MEIS3: variants seen among roughly 807,000 people sequenced by gnomAD.
MEIS3 encodes the protein Meis homeobox 3.
Under a neutral mutation model 51.4 loss-of-function variants are expected in MEIS3, and 38 were observed. That is an observed-to-expected ratio of 0.74 (90% CI 0.57 to 0.97). MEIS3 has a LOEUF of 0.97. Ranked by LOEUF, MEIS3 falls within the 50% of genes least tolerant of loss-of-function variation. The probability of loss-of-function intolerance (pLI) is 0.00; values close to 1 mark genes in which losing one functional copy is unlikely to be tolerated. For missense variants in MEIS3, 456 were observed against 502.6 expected (o/e 0.91, Z 0.89); for synonymous variants, 198 against 201.8 (o/e 0.98, Z 0.16).
chr19:47,416,429 TCA>T, intron 4 of MEIS3: 1 of 508,024 alleles, frequency 2.0e-6, no homozygotes, highest in Admixed American at 3.9e-5. Context: ...TTGCCCTGGG[TCA>T]CAGAGCTGGT....
chr19:47,416,893 C>T lies in MEIS3; in HGVS notation c.256G>A (p.Gly86Arg), dbSNP rs773378344. 1.5e-5 allele frequency: 25 copies of T among 1,613,656 alleles called. No individual in the cohort carries two copies. The highest frequency in any genetic ancestry group is 1.9e-5 in the Non-Finnish European group (22 of 1,179,874). The change falls in exon 3 of 13, where the codon GGG becomes AGG. Residue 86 changes from glycine to arginine, a missense_variant. By Grantham distance (125) the Gly-to-Arg change is moderately radical. Coordinates refer to ENST00000558555, the MANE Select transcript of MEIS3 (RefSeq NM_001301059.2). Reference sequence around the variant, plus strand: ...GGTGTCCCCAGCCCAGCTCCGGCCCCGTCACGGGGAGAGCATGTAGCCAGT... The same window carrying T: ...GGTGTCCCCAGCCCAGCTCCGGCCCTGTCACGGGGAGAGCATGTAGCCAGT... ...CELATCSPRD[G>R]AGAGLGTPPG... is the part of the protein sequence containing the mutation.
chr19:47,421,963 G>A (rs554832939), upstream of MEIS3, among the ~76,000 whole-genome samples: 5 of 149,280 alleles, frequency 3.3e-5, no homozygotes, highest in East Asian at 8.0e-4. Flanking sequence ...TCCTCCACCC[G>A]GGCCCTTCAT....
At chr19:47,422,063 G>A (rs1166170848), upstream of MEIS3, among the ~76,000 whole-genome samples, 4 of 150,286 alleles carry the variant, frequency 2.7e-5, no homozygotes, top group Non-Finnish European at 4.4e-5. Flanking sequence ...CCACCCCTGC[G>A]CCCGCCCCTC....
chr19:47,415,123 G>A (rs921549806), intron 4 of MEIS3, 22 bp from the exon 5 acceptor site: 8 of 1,498,952 alleles, frequency 5.3e-6, no homozygotes, highest in South Asian at 4.8e-5. Flanking sequence ...GGCGGGAGGT[G>A]GGGGGAGACA....
intron 8 of MEIS3, among the ~76,000 whole-genome samples, chr19:47,408,428 TTC>T (rs1599804281): frequency 6.6e-6 from 1 of 152,004 alleles, no homozygotes; most frequent in South Asian, 2.1e-4. Flanking sequence ...GGCCCTCCAT[TTC>T]TCTCTTTGTG....
chr19:47,415,088 A>G lies in MEIS3; in HGVS notation c.410T>C (p.Ile137Thr), dbSNP rs1238021390. 2.6e-5 allele frequency: 33 copies of G among 1,276,848 alleles called. No homozygotes were observed. The highest frequency in any genetic ancestry group is 3.4e-5 in the Non-Finnish European group (33 of 975,648). The allele number at this position is 1,276,848 out of a possible 1,614,324, so 79.1% of individuals were successfully genotyped here. Residue 137 changes from isoleucine to threonine, a missense_variant, in exon 5 of 13, where the codon ATC (isoleucine) becomes ACC (threonine). By Grantham distance (89) the Ile-to-Thr change is moderately conservative. Coordinates refer to ENST00000558555, the MANE Select transcript of MEIS3 (RefSeq NM_001301059.2). ...PELDNLMIQA[I>T]QVLRFHLLEL... ...CAGCAGGTGGAACCGCAGCACCTGG[A>G]TGGCCTGGATCATCTGAAAACGTGG...
chr19:47,407,305 C>A, intron 9 of MEIS3, 47 bp downstream of exon 9: 1 of 1,591,594 alleles, frequency 6.3e-7, no homozygotes, highest in South Asian at 1.1e-5. Flanking sequence ...GGACAGCGCC[C>A]GGGCTCTCGC....
intron 6 of MEIS3, among the ~76,000 whole-genome samples, chr19:47,409,979 T>C (rs557281692): frequency 2.0e-5 from 3 of 151,950 alleles, no homozygotes; most frequent in African/African-American, 7.2e-5. Context: ...GCAGGTCACT[T>C]CCCCACTCTG....
chr19:47,417,443 A>G, intron 1 of MEIS3, 93 bp from the exon 2 acceptor site: 1 of 1,465,744 alleles, frequency 6.8e-7, no homozygotes, highest in Non-Finnish European at 9.4e-7. Flanking sequence ...GGAACCCAGG[A>G]GATGCCCTTC....
chr19:47,408,085 A>G (rs1217190199), intron 8 of MEIS3, among the ~76,000 whole-genome samples: 1 of 152,084 alleles, frequency 6.6e-6, no homozygotes, highest in African/African-American at 2.4e-5. Context: ...GATTACAGGC[A>G]TAAGCCACCG....
upstream of MEIS3, among the ~76,000 whole-genome samples, chr19:47,420,537 C>CAGACGCGGGTGGGAGGAGAGAGAGAG (rs1568433716): frequency 4.1e-5 from 5 of 120,754 alleles, no homozygotes; most frequent in African/African-American, 1.9e-4. Context: ...GAGAGAGAGA[C>CAGACGCGGGTGGGAGGAGAGAGAGAG]AGAGACAGAC....
At position 47,409,190 on chromosome 19, in the gene MEIS3, A is replaced by G. The variant is rs1485070326; in HGVS notation, c.767T>C (p.Leu256Ser). The change falls in exon 8 of 13, where the codon TTG (leucine) becomes TCG (serine). Residue 256 changes from leucine to serine, a missense_variant. Physicochemically the swap from Leu to Ser is moderately radical, Grantham distance 145. Transcript: ENST00000558555. Reference sequence around the variant, plus strand: ...CTTGTTTCGCCGTCGCTCCTGGTCCAAGTCCTCATCTTCTCCACCAGAACT... The same window carrying G: ...CTTGTTTCGCCGTCGCTCCTGGTCCGAGTCCTCATCTTCTCCACCAGAACT... ...SPSSGGEDEDLDQERRRNKKR... is the reference protein window; with the variant it reads ...SPSSGGEDEDSDQERRRNKKR... 1.9e-6 allele frequency: 3 copies of G among 1,612,988 alleles called. No homozygotes were observed. The highest frequency in any genetic ancestry group is 1.7e-6 in the Non-Finnish European group (2 of 1,179,982).
At chr19:47,422,176 C>T (rs1027832155), upstream of MEIS3, among the ~76,000 whole-genome samples, 7 of 152,130 alleles carry the variant, frequency 4.6e-5, no homozygotes, top group Non-Finnish European at 1.0e-4. Flanking sequence ...CCCGCCCCAC[C>T]AAGCAATCAT....
chr19:47,416,736 T>C (rs1971434000), intron 3 of MEIS3, 34 bp from the exon 4 acceptor site: 1 of 1,609,744 alleles, frequency 6.2e-7, no homozygotes, highest in Non-Finnish European at 8.5e-7. Context: ...CAGGGGGATG[T>C]CCCGCCTTCC....
chr19:47,422,233 C>T (rs548877755), upstream of MEIS3, among the ~76,000 whole-genome samples: 1 of 151,998 alleles, frequency 6.6e-6, no homozygotes, highest in Non-Finnish European at 1.5e-5. Flanking sequence ...CGGCCTGACC[C>T]GGGCGGGGGG....
chr19:47,418,935 G>A (rs903738536), intron 1 of MEIS3, 135 bp downstream of exon 1: 18 of 501,548 alleles, frequency 3.6e-5, no homozygotes, highest in Non-Finnish European at 5.3e-5. Context: ...CCCAGGGGCG[G>A]AGGGAGGGGC....
chr19:47,404,921 A>G (rs937040123), intron 12 of MEIS3, among the ~76,000 whole-genome samples: 1 of 152,240 alleles, frequency 6.6e-6, no homozygotes, highest in African/African-American at 2.4e-5. Context: ...TACCCAGCAC[A>G]GGGCTGGGCA....
chr19:47,418,146 T>C (rs145357025), intron 1 of MEIS3: 1 of 165,990 alleles, frequency 6.0e-6, no homozygotes, highest in Non-Finnish European at 1.3e-5. Context: ...GACGACCGCG[T>C]CCTGTCGTCA....
intron 12 of MEIS3, among the ~76,000 whole-genome samples, chr19:47,405,075 C>G (rs1970751951): frequency 6.6e-6 from 1 of 152,196 alleles, no homozygotes; most frequent in Non-Finnish European, 1.5e-5. Context: ...TAGGCTGCCT[C>G]CCTACCCTGG....
Sources: gnomAD v4.1 joint callset for allele counts (sites outside exome capture counted in the v4.1 genomes callset) on GRCh38, gnomAD v4.1.1 for gene constraint, MANE v1.5 for transcripts, NCBI Gene and HGNC (gene_info 2026-07-23, HGNC 2026-07-21) for gene names.